CLMP: variants seen among roughly 807,000 people sequenced by gnomAD.
CLMP encodes the protein CXADR like cell adhesion molecule, also known as CXADR-like membrane protein.
A neutral mutation model predicts 45.2 loss-of-function variants in CLMP; 27 were observed. The observed-to-expected ratio is 0.60, with a 90% CI of 0.44 to 0.82. The LOEUF is 0.82. CLMP is among the 40% of genes least tolerant of loss of function. The pLI is 0.00. For missense variants in CLMP, 403 were observed against 448.4 expected (o/e 0.90, Z 0.91); for synonymous variants, 167 against 171.4 (o/e 0.97, Z 0.20).
intron 1 of CLMP, among the ~76,000 whole-genome samples, chr11:123,185,734 C>T (rs1047227228): frequency 2.6e-5 from 4 of 152,066 alleles, no homozygotes; most frequent in Non-Finnish European, 5.9e-5. Flanking sequence ...ATTCTAGGCT[C>T]GCAGGAATCT....
chr11:123,147,825 T>C (rs1231683131), intron 1 of CLMP, among the ~76,000 whole-genome samples: 1 of 152,072 alleles, frequency 6.6e-6, no homozygotes, highest in African/African-American at 2.4e-5. Flanking sequence ...ACTTTTTTTT[T>C]TTTTTTTGAG....
At chr11:123,103,742 AT>A (rs1860487061) in intron 1 of CLMP, among the ~76,000 whole-genome samples, 1 of 133,936 alleles carries the variant, frequency 7.5e-6, no homozygotes, top group Admixed American at 7.3e-5. Flanking sequence ...AAGCTTTTAC[AT>A]TTTTTTACAT....
At chr11:123,083,927 A>T (rs1434100986) in intron 3 of CLMP, 80 bp from the exon 4 acceptor site, 10 of 1,515,982 alleles carry the variant, frequency 6.6e-6, no homozygotes, top group Non-Finnish European at 9.0e-6. Flanking sequence ...ATTATGTCCT[A>T]TTGAGTTGCT....
chr11:123,134,907 A>T (rs575655874), intron 1 of CLMP, among the ~76,000 whole-genome samples: 16 of 152,214 alleles, frequency 1.1e-4, no homozygotes, highest in East Asian at 5.8e-4. Flanking sequence ...TCATAAATCC[A>T]AGAGCAGCAA....
At chr11:123,130,904 G>A (rs2447078) in intron 1 of CLMP, among the ~76,000 whole-genome samples, 24 of 145,302 alleles carry the variant, frequency 1.7e-4, no homozygotes, top group Admixed American at 4.2e-4. Context: ...GTGCAGTGGC[G>A]CTATCTCAGC....
intron 1 of CLMP, among the ~76,000 whole-genome samples, chr11:123,133,529 G>A (rs563874852): frequency 5.6e-4 from 85 of 152,058 alleles, no homozygotes; most frequent in Middle Eastern, 3.4e-3. Context: ...TTCCACTTTC[G>A]CTTATTGTCC....
rs11458946 is a variant in CLMP, at chr11:123,123,259, CT to C, written c.29-25308del. Among the ~76,000 whole-genome samples, 662 of 117,654 alleles carry C rather than the reference CT, an allele frequency of 5.6e-3. 4 individuals are homozygous for C. Among genetic ancestry groups the C allele is most frequent in the African/African-American group, 0.018 (533 of 29,634 alleles). The allele number at this position is 117,654 out of a possible 152,430, so 77.2% of individuals were successfully genotyped here. A position where few individuals can be genotyped will look rare whatever the true frequency, so the allele number is the denominator to read the frequency against. ...TTTCTTTTCTTTCTTTCTTTCTTTC[CT>C]TTTTTTTTTTTTTTTTTAAGACAGA... On this transcript the variant is annotated intron_variant, in intron 1 of 6. Coordinates refer to ENST00000448775, the MANE Select transcript of CLMP (RefSeq NM_024769.5).
At chr11:123,128,370 T>G (rs1860932741) in intron 1 of CLMP, among the ~76,000 whole-genome samples, 2 of 114,350 alleles carry the variant, frequency 1.7e-5, no homozygotes, top group Admixed American at 2.0e-4. Context: ...AGGCCTGTAA[T>G]GCCAGCATGG....
At chr11:123,145,073 G>C (rs1352311434) in intron 1 of CLMP, among the ~76,000 whole-genome samples, 2 of 152,098 alleles carry the variant, frequency 1.3e-5, no homozygotes, top group African/African-American at 4.8e-5. Flanking sequence ...AATCTTGTTA[G>C]TAATTTTTCC....
chr11:123,146,888 G>A (rs879461766), intron 1 of CLMP, among the ~76,000 whole-genome samples: 8 of 152,132 alleles, frequency 5.3e-5, no homozygotes, highest in Admixed American at 1.3e-4. Context: ...ATCACTTATC[G>A]GATTGAATGG....
At position 123,083,100 on chromosome 11, in the gene CLMP, G is replaced by A. The variant is rs587776966; in HGVS notation, c.664C>T (p.Arg222Ter). 9 of 1,614,090 alleles carry A rather than the reference G, an allele frequency of 5.6e-6. No individual in the cohort carries two copies. Among genetic ancestry groups the A allele is most frequent in the Non-Finnish European group, 4.2e-6 (5 of 1,180,006 alleles). Residue 222 changes from arginine (R) to a stop codon, truncating the protein, a stop_gained, in exon 5 of 7, where the codon CGA (arginine) becomes TGA (stop). Transcript: ENST00000448775. LOFTEE classifies it high-confidence loss of function. ...NEAGKESCVV[R>*]VTVQYVQSIG... Reference sequence around the variant, plus strand: ...GGATGCTTACACTGTACAGTTACTCGCACCACACAGCTTTCCTTCCCAGCT... The same window carrying A: ...GGATGCTTACACTGTACAGTTACTCACACCACACAGCTTTCCTTCCCAGCT...
chr11:123,082,663 T>G (rs1440975852), intron 5 of CLMP, among the ~76,000 whole-genome samples: 35 of 149,570 alleles, frequency 2.3e-4, no homozygotes, highest in African/African-American at 8.7e-4. Flanking sequence ...CAGACTGGAG[T>G]GCAGTGGCGT....
At chr11:123,102,649 C>T (rs1480553552) in intron 1 of CLMP, among the ~76,000 whole-genome samples, 1 of 149,494 alleles carries the variant, frequency 6.7e-6, no homozygotes, top group Non-Finnish European at 1.5e-5. Flanking sequence ...GATCTCCTCT[C>T]ACTGCAACCT....
intron 1 of CLMP, among the ~76,000 whole-genome samples, chr11:123,149,984 T>G (rs898171272): frequency 6.6e-6 from 1 of 151,900 alleles, no homozygotes; most frequent in African/African-American, 2.4e-5. Context: ...TTTGTATTTT[T>G]GGTAGAGATG....
chr11:123,180,584 C>T (rs1235915050), intron 1 of CLMP, among the ~76,000 whole-genome samples: 5 of 135,954 alleles, frequency 3.7e-5, no homozygotes, highest in African/African-American at 1.4e-4. Flanking sequence ...CAGACAAAAA[C>T]AGAAATGCAT....
Position 123,073,439 on chromosome 11 carries a change from T to A in CLMP, c.*35A>T, listed in dbSNP as rs769769671. The A allele has an allele frequency of 1.9e-6, 3 of 1,567,566 alleles. No individual in the cohort carries two copies. In the Admixed American group the frequency reaches 5.5e-5, roughly 29 times the overall value. On this transcript the variant is annotated 3_prime_UTR_variant, in exon 7 of 7. Transcript: ENST00000448775. ...ACGAGAAGAGTCCAAAGACCCTGAC[T>A]CCTAGGAAAGCGTGGGAGTCAAGTC...
At chr11:123,173,614 C>T (rs915846255) in intron 1 of CLMP, among the ~76,000 whole-genome samples, 1 of 152,120 alleles carries the variant, frequency 6.6e-6, no homozygotes, top group Non-Finnish European at 1.5e-5. Context: ...GTGACTTTGG[C>T]CACATTTCTT....
chr11:123,126,552 C>G (rs1860897701), intron 1 of CLMP, among the ~76,000 whole-genome samples: 1 of 152,044 alleles, frequency 6.6e-6, no homozygotes, highest in African/African-American at 2.4e-5. Flanking sequence ...GCCACTGCAC[C>G]TGGTCTCCTG....
At chr11:123,121,784 C>T (rs932836703) in intron 1 of CLMP, among the ~76,000 whole-genome samples, 1 of 152,180 alleles carries the variant, frequency 6.6e-6, no homozygotes, top group East Asian at 1.9e-4. Flanking sequence ...TCAGTTACCT[C>T]TCTTCCACCT....
Sources: gnomAD v4.1 joint callset for allele counts (sites outside exome capture counted in the v4.1 genomes callset) on GRCh38, gnomAD v4.1.1 for gene constraint, MANE v1.5 for transcripts, NCBI Gene and HGNC (gene_info 2026-07-23, HGNC 2026-07-21) for gene names.